The following LARGE1 variants were observed in gnomAD, a reference collection of about 807,000 sequenced individuals.
LARGE1 encodes LARGE xylosyl- and glucuronyltransferase 1, also known as xylosyl- and glucuronyltransferase LARGE1.
Under a neutral mutation model 87.6 loss-of-function variants are expected in LARGE1, and 43 were observed. The observed-to-expected ratio is 0.49, with a 90% CI of 0.38 to 0.63. LARGE1 has a LOEUF of 0.63. Ranked by LOEUF, LARGE1 falls within the 30% of genes least tolerant of loss-of-function variation. The pLI, the probability that LARGE1 is intolerant of heterozygous loss-of-function variation, is 0.00. For missense variants in LARGE1, 802 were observed against 1,000.2 expected (o/e 0.80, Z 2.67); for synonymous variants, 434 against 394.6 (o/e 1.10, Z -1.18).
chr22:33,307,689 A>G (rs1055018013), intron 11 of LARGE1, among the ~76,000 whole-genome samples: 2 of 152,168 alleles, frequency 1.3e-5, no homozygotes, highest in Non-Finnish European at 2.9e-5. Context: ...GAAAAAAGAC[A>G]ATCAACAAAC....
chr22:33,365,230 T>A (rs2064543411), intron 9 of LARGE1, among the ~76,000 whole-genome samples: 1 of 152,064 alleles, frequency 6.6e-6, no homozygotes, highest in Admixed American at 6.6e-5. Flanking sequence ...CACTTCTCCA[T>A]TTGTGACCTA....
At chr22:33,415,069 G>C in intron 7 of LARGE1, among the ~76,000 whole-genome samples, 1 of 152,162 alleles carries the variant, frequency 6.6e-6, no homozygotes, top group East Asian at 1.9e-4. Flanking sequence ...GGTGTGGAGA[G>C]GTGGCTTGAG....
chr22:33,569,158 A>T (rs919940304), intron 5 of LARGE1, among the ~76,000 whole-genome samples: 1 of 152,172 alleles, frequency 6.6e-6, no homozygotes, highest in Non-Finnish European at 1.5e-5. Context: ...AATCTGCCTG[A>T]ACTGAGGCTT....
chr22:33,258,327 C>T (rs1041921352), intron 11 of LARGE1, among the ~76,000 whole-genome samples: 6 of 152,332 alleles, frequency 3.9e-5, no homozygotes, highest in African/African-American at 1.4e-4. Context: ...CCACCATGCT[C>T]AGCCAAGCAA....
chr22:33,728,579 AC>A (rs1312757466), intron 2 of LARGE1, among the ~76,000 whole-genome samples: 63 of 142,318 alleles, frequency 4.4e-4, no homozygotes, highest in Non-Finnish European at 7.1e-4. Flanking sequence ...AAAAAAAAAA[AC>A]CAACAACAGA....
At chr22:33,099,874 G>C in the LARGE1 span, among the ~76,000 whole-genome samples, 1 of 152,196 alleles carries the variant, frequency 6.6e-6, no homozygotes, top group African/African-American at 2.4e-5. Flanking sequence ...GAGTCAGGAA[G>C]AGACACAAAA....
the LARGE1 span, among the ~76,000 whole-genome samples, chr22:33,070,435 T>C: frequency 1.3e-5 from 2 of 151,936 alleles, no homozygotes; most frequent in African/African-American, 4.8e-5. Context: ...TTAGAGAAGG[T>C]GGTGGTGGTG....
intron 5 of LARGE1, among the ~76,000 whole-genome samples, chr22:33,573,205 G>A (rs1459975140): frequency 2.6e-5 from 4 of 152,128 alleles, no homozygotes; most frequent in African/African-American, 7.2e-5. Flanking sequence ...TTGGTAGGCC[G>A]AGGCGGATGG....
chr22:33,380,052 T>C (rs1282471175), intron 9 of LARGE1, among the ~76,000 whole-genome samples: 1 of 152,262 alleles, frequency 6.6e-6, no homozygotes. Context: ...TCTTTGCTTA[T>C]CTTTTTGGAT....
chr22:33,391,066 C>T (rs1416669458), intron 7 of LARGE1, among the ~76,000 whole-genome samples: 3 of 152,136 alleles, frequency 2.0e-5, no homozygotes, highest in Non-Finnish European at 4.4e-5. Flanking sequence ...CTCCTGACCT[C>T]ATGATCCACC....
intron 1 of LARGE1, among the ~76,000 whole-genome samples, chr22:33,904,249 T>C (rs2065369273): frequency 6.6e-6 from 1 of 152,080 alleles, no homozygotes; most frequent in South Asian, 2.1e-4. Flanking sequence ...TCCGACTCCC[T>C]GGTTCAAGTG....
chr22:33,906,300 T>C (rs2065453895), intron 1 of LARGE1, among the ~76,000 whole-genome samples: 1 of 152,208 alleles, frequency 6.6e-6, no homozygotes, highest in Non-Finnish European at 1.5e-5. Context: ...TTTATTTTCT[T>C]AGAAGTATCC....
the LARGE1 span, among the ~76,000 whole-genome samples, chr22:33,129,461 C>T: frequency 6.6e-6 from 1 of 152,030 alleles, no homozygotes; most frequent in East Asian, 1.9e-4. Flanking sequence ...AAGGTCAATC[C>T]CACGGTTTTG....
At chr22:33,576,305 T>G (rs1052955053) in intron 5 of LARGE1, among the ~76,000 whole-genome samples, 1 of 152,336 alleles carries the variant, frequency 6.6e-6, no homozygotes, top group East Asian at 1.9e-4. Context: ...GCTTCGTTCA[T>G]TCATTCATTC....
At chr22:33,267,586 G>A (rs1481354602), downstream of LARGE1, among the ~76,000 whole-genome samples, 2 of 151,326 alleles carry the variant, frequency 1.3e-5, no homozygotes, top group African/African-American at 2.5e-5. Context: ...GGATTCGGGG[G>A]TCTGAGAGTG....
the LARGE1 span, among the ~76,000 whole-genome samples, chr22:33,130,959 G>A: frequency 2.7e-5 from 4 of 150,472 alleles, no homozygotes; most frequent in Non-Finnish European, 5.9e-5. Context: ...GCGTGAACCC[G>A]GGAGGCGGAG....
At chr22:33,607,919 G>C (rs1219406443) in intron 4 of LARGE1, among the ~76,000 whole-genome samples, 1 of 152,206 alleles carries the variant, frequency 6.6e-6, no homozygotes, top group African/African-American at 2.4e-5. Flanking sequence ...TCAGGGGAAA[G>C]GGGCATATTT....
At position 33,310,578 on chromosome 22, in the gene LARGE1, G is replaced by A. The variant is rs1290999148; in HGVS notation, c.1451+5507C>T. On this transcript the variant is annotated intron_variant, in intron 11 of 14. Transcript: ENST00000397394. ...GTGCGAAGGCCGGCTCTCCTAATTC[G>A]TTGTGGCATTCACGTAGGGCCTACT... Among the ~76,000 whole-genome samples the A allele has an allele frequency of 3.3e-5, 5 of 152,106 alleles. No individual in the cohort carries two copies. The South Asian group carries it at 6.2e-4, about 19-fold the overall frequency.
intron 6 of LARGE1, among the ~76,000 whole-genome samples, chr22:33,561,993 G>A (rs889527774): frequency 6.6e-6 from 1 of 152,220 alleles, no homozygotes; most frequent in Non-Finnish European, 1.5e-5. Flanking sequence ...ACAACCAGCT[G>A]TTCTCAAAAA....
Sources: gnomAD v4.1 joint callset for allele counts (sites outside exome capture counted in the v4.1 genomes callset) on GRCh38, gnomAD v4.1.1 for gene constraint, MANE v1.5 for transcripts, NCBI Gene and HGNC (gene_info 2026-07-23, HGNC 2026-07-21) for gene names.